Variants in ACOXL observed in about 807,000 individuals in gnomAD.
ACOXL encodes the protein acyl-coenzyme A oxidase-like protein.
A neutral mutation model predicts 71.9 loss-of-function variants in ACOXL; 70 were observed. That is an observed-to-expected ratio of 0.97 (90% CI 0.80 to 1.19). The LOEUF is 1.19. Ranked by LOEUF, ACOXL falls within the 50% of genes most tolerant of loss-of-function variation. The pLI is 0.00. For synonymous variants in ACOXL, 253 were observed against 281.6 expected, an observed-to-expected ratio of 0.90 and a Z score of 1.02; for missense variants, 703 against 736.3, an observed-to-expected ratio of 0.95 and a Z score of 0.52.
chr2:110,839,910 A>G (rs759186055), intron 9 of ACOXL, among the ~76,000 whole-genome samples: 1 of 152,062 alleles, frequency 6.6e-6, no homozygotes, highest in African/African-American at 2.4e-5. Flanking sequence ...ATGTTTGGGG[A>G]TCTTAAGCTT....
intron 16 of ACOXL, among the ~76,000 whole-genome samples, chr2:111,063,482 C>G (rs1161442759): frequency 6.6e-6 from 1 of 151,936 alleles, no homozygotes; most frequent in Admixed American, 6.6e-5. Context: ...ACAAATAAAC[C>G]AATCTAATTC....
At chr2:110,982,251 G>C (rs191878419) in intron 12 of ACOXL, among the ~76,000 whole-genome samples, 1 of 152,108 alleles carries the variant, frequency 6.6e-6, no homozygotes, top group Non-Finnish European at 1.5e-5. Context: ...CACCTCCCGG[G>C]TTCAAGTCAA....
chr2:110,786,060 G>A (rs1218281921), intron 3 of ACOXL, among the ~76,000 whole-genome samples: 1 of 152,208 alleles, frequency 6.6e-6, no homozygotes, highest in Non-Finnish European at 1.5e-5. Flanking sequence ...AGGTGGGCGT[G>A]TCTGCTGCAG....
At chr2:110,839,065 C>T (rs969708990) in intron 9 of ACOXL, among the ~76,000 whole-genome samples, 2 of 152,122 alleles carry the variant, frequency 1.3e-5, no homozygotes, top group African/African-American at 2.4e-5. Context: ...TTGAAATTCA[C>T]CTTTGTGAAA....
intron 1 of ACOXL, among the ~76,000 whole-genome samples, chr2:110,750,672 G>T (rs868770933): frequency 2.0e-5 from 3 of 147,910 alleles, no homozygotes; most frequent in Non-Finnish European, 3.0e-5. Context: ...TATGTGTATG[G>T]GTGTGTGTGT....
At chr2:110,995,007 C>T (rs1051009826) in intron 13 of ACOXL, among the ~76,000 whole-genome samples, 6 of 151,874 alleles carry the variant, frequency 4.0e-5, no homozygotes, top group African/African-American at 1.5e-4. Flanking sequence ...GAATAATTCA[C>T]AGCAGATAAT....
At chr2:110,734,107 C>CT (rs1467824892) in intron 1 of ACOXL, among the ~76,000 whole-genome samples, 1 of 151,748 alleles carries the variant, frequency 6.6e-6, no homozygotes, top group Non-Finnish European at 1.5e-5. Flanking sequence ...TTCTTGCTAA[C>CT]TTTTTTTGTT....
intron 14 of ACOXL, among the ~76,000 whole-genome samples, chr2:111,023,294 G>T (rs916984523): frequency 6.6e-6 from 1 of 152,178 alleles, no homozygotes; most frequent in Non-Finnish European, 1.5e-5. Context: ...TGGATCTGGG[G>T]CTAGGTACAA....
chr2:110,904,845 T>G (rs1172294357), intron 10 of ACOXL, among the ~76,000 whole-genome samples: 3 of 152,296 alleles, frequency 2.0e-5, no homozygotes, highest in African/African-American at 7.2e-5. Flanking sequence ...CTGTCTGTCC[T>G]GAGTTGTCTG....
intron 16 of ACOXL, among the ~76,000 whole-genome samples, chr2:111,077,905 A>T (rs369452074): frequency 6.6e-6 from 1 of 152,128 alleles, no homozygotes; most frequent in Admixed American, 6.5e-5. Context: ...CTTTGTGTTT[A>T]TCCTGTTTGG....
At chr2:110,767,682 T>A (rs1681269239) in intron 1 of ACOXL, among the ~76,000 whole-genome samples, 1 of 152,162 alleles carries the variant, frequency 6.6e-6, no homozygotes, top group Non-Finnish European at 1.5e-5. Context: ...ACAGTCCACC[T>A]CTTGCAACAC....
chr2:110,797,745 C>T (rs1437294284), intron 5 of ACOXL, among the ~76,000 whole-genome samples: 3 of 152,126 alleles, frequency 2.0e-5, no homozygotes, highest in Admixed American at 2.0e-4. Context: ...CATCTAAGGG[C>T]CCAGATCGTT....
At chr2:110,931,611 G>A (rs1343675273) in intron 11 of ACOXL, among the ~76,000 whole-genome samples, 1 of 152,076 alleles carries the variant, frequency 6.6e-6, no homozygotes. Flanking sequence ...CACACATGAG[G>A]GACCTTGACT....
chr2:111,054,732 C>G (rs1296057036), intron 16 of ACOXL, among the ~76,000 whole-genome samples: 1 of 152,212 alleles, frequency 6.6e-6, no homozygotes, highest in African/African-American at 2.4e-5. Flanking sequence ...AGAAGTCAGA[C>G]ACATTTGAAT....
At chr2:110,778,369 T>C (rs987851568) in intron 2 of ACOXL, among the ~76,000 whole-genome samples, 1 of 152,228 alleles carries the variant, frequency 6.6e-6, no homozygotes, top group African/African-American at 2.4e-5. Flanking sequence ...CATACACAAT[T>C]GCAAAATTCT....
intron 1 of ACOXL, among the ~76,000 whole-genome samples, chr2:110,740,142 C>T (rs1677337161): frequency 2.0e-5 from 3 of 152,314 alleles, no homozygotes; most frequent in Middle Eastern, 3.4e-3. Context: ...GGAGTACCCT[C>T]GTATTCATAA....
At chr2:110,931,663 C>T (rs1388378013) in intron 11 of ACOXL, among the ~76,000 whole-genome samples, 1 of 152,168 alleles carries the variant, frequency 6.6e-6, no homozygotes, top group Admixed American at 6.5e-5. Context: ...TTCCCAACAA[C>T]TCTATGAAAT....
chr2:111,100,549 A>T (rs910257506), intron 17 of ACOXL: 1 of 152,924 alleles, frequency 6.5e-6, no homozygotes, highest in Non-Finnish European at 1.5e-5. Context: ...ACTCTCACCC[A>T]CATGTTGCCT....
intron 9 of ACOXL, among the ~76,000 whole-genome samples, chr2:110,816,235 G>T (rs1687906902): frequency 6.6e-6 from 1 of 152,062 alleles, no homozygotes; most frequent in Non-Finnish European, 1.5e-5. Context: ...TGGATGGATG[G>T]ATGGATGAAT....
Sources: allele counts gnomAD v4.1 joint callset (sites outside exome capture counted in the v4.1 genomes callset), GRCh38; gene constraint gnomAD v4.1.1; transcripts MANE v1.5; gene names NCBI Gene and HGNC (gene_info 2026-07-23, HGNC 2026-07-21).